PPP1CB: variants seen among roughly 807,000 people sequenced by gnomAD.
PPP1CB encodes protein phosphatase 1 catalytic subunit beta.
In PPP1CB, 2 loss-of-function variants were observed where a neutral mutation model predicts 43.7. The ratio of observed to expected loss-of-function variants is 0.05; its 90% CI spans 0.02 to 0.14. The LOEUF is 0.14. Among genes scored for constraint, PPP1CB ranks in the 10% least tolerant of loss-of-function variants. The pLI, the probability that PPP1CB is intolerant of heterozygous loss-of-function variation, is 1.00. For missense variants in PPP1CB, 84 were observed against 398.0 expected (o/e 0.21, Z 6.71); for synonymous variants, 136 against 135.6 (o/e 1.00, Z -0.02).
intron 1 of PPP1CB, among the ~76,000 whole-genome samples, chr2:28,755,259 G>A (rs757648011): frequency 1.3e-5 from 2 of 151,942 alleles, no homozygotes; most frequent in African/African-American, 2.4e-5. Flanking sequence ...GGCTGGTCTC[G>A]AACTTTCCAT....
chr2:28,785,377 G>A (rs1390394706), intron 5 of PPP1CB, among the ~76,000 whole-genome samples: 2 of 151,834 alleles, frequency 1.3e-5, no homozygotes, highest in Non-Finnish European at 2.9e-5. Flanking sequence ...CCTGGCCTGT[G>A]TTATGAGCTT....
intron 1 of PPP1CB, among the ~76,000 whole-genome samples, chr2:28,776,124 C>T (rs911822764): frequency 6.6e-6 from 1 of 151,762 alleles, no homozygotes; most frequent in African/African-American, 2.4e-5. Context: ...ATCTCCCTTT[C>T]TTCATAGCAC....
At chr2:28,759,291 G>A (rs910683565) in intron 1 of PPP1CB, among the ~76,000 whole-genome samples, 2 of 152,138 alleles carry the variant, frequency 1.3e-5, no homozygotes, top group African/African-American at 4.8e-5. Flanking sequence ...CAAGGCAGGT[G>A]GACCACTTGA....
chr2:28,768,501 G>A (rs59367465), intron 1 of PPP1CB, among the ~76,000 whole-genome samples: 312 of 152,286 alleles, frequency 2.0e-3, no homozygotes, highest in African/African-American at 7.0e-3. Context: ...AGACATTTCA[G>A]TATCTAATGC....
In PPP1CB at chr2:28,800,914, A is replaced by G. The variant is rs1245635087; in HGVS notation, c.*1611A>G. ...CACATTGTATTACTTACTGCAAGAGATATTTCATTTTCAGCACAGTGCAAA... is the reference window on the plus strand; with the variant it reads ...CACATTGTATTACTTACTGCAAGAGGTATTTCATTTTCAGCACAGTGCAAA... On this transcript the variant is annotated 3_prime_UTR_variant, in exon 8 of 8. Coordinates refer to ENST00000395366, the MANE Select transcript of PPP1CB (RefSeq NM_002709.3). 1 of 152,520 alleles carries G rather than the reference A, an allele frequency of 6.6e-6. No homozygotes were observed. The highest frequency in any genetic ancestry group is 2.4e-5 in the African/African-American group (1 of 41,438). The allele number at this position is 152,520 out of a possible 1,614,324, so 9.4% of individuals were successfully genotyped here.
intron 7 of PPP1CB, among the ~76,000 whole-genome samples, chr2:28,797,060 T>C (rs1667510220): frequency 1.3e-5 from 2 of 152,214 alleles, no homozygotes. Context: ...TTTTTAATTT[T>C]ATGAGGTGAA....
chr2:28,755,258 C>T lies in PPP1CB; in HGVS notation c.52+3082C>T, dbSNP rs376811705. 7.6e-4 allele frequency among the ~76,000 whole-genome samples: 115 copies of T among 152,158 alleles called. No individual in the cohort carries two copies. In the South Asian group the frequency reaches 0.023, roughly 30 times the overall value. On this transcript the variant is annotated intron_variant, in intron 1 of 7. Coordinates refer to ENST00000395366, the MANE Select transcript of PPP1CB (RefSeq NM_002709.3). Reference sequence around the variant, plus strand: ...TTCACCATGTTGGCCTGGCTGGTCTCGAACTTTCCATCCTCAAGTGATCCA... The same window carrying T: ...TTCACCATGTTGGCCTGGCTGGTCTTGAACTTTCCATCCTCAAGTGATCCA...
intron 6 of PPP1CB, among the ~76,000 whole-genome samples, chr2:28,792,194 G>C (rs1196557385): frequency 2.0e-5 from 3 of 152,090 alleles, no homozygotes; most frequent in Non-Finnish European, 4.4e-5. Flanking sequence ...TATAAAATTA[G>C]CTGGGCACGG....
At chr2:28,765,650 C>T (rs1345779639) in intron 1 of PPP1CB, among the ~76,000 whole-genome samples, 3 of 152,244 alleles carry the variant, frequency 2.0e-5, no homozygotes, top group African/African-American at 7.2e-5. Context: ...GGTATGGTGG[C>T]TCGCGCCTTT....
intron 1 of PPP1CB, among the ~76,000 whole-genome samples, chr2:28,762,434 G>T (rs1666677278): frequency 1.3e-5 from 2 of 152,178 alleles, no homozygotes; most frequent in South Asian, 4.1e-4. Context: ...GAAGACAGCT[G>T]AATTCACATC....
chr2:28,751,922 T>A lies in PPP1CB; in HGVS notation c.-203T>A. The A allele has an allele frequency of 4.9e-6, 3 of 617,922 alleles. No homozygotes were observed. The highest frequency in any genetic ancestry group is 8.6e-6 in the Non-Finnish European group (3 of 347,084). 38.3% of individuals were successfully genotyped at this position (617,922 alleles called of 1,614,324 possible). A position where few individuals can be genotyped will look rare whatever the true frequency, so the allele number is the denominator to read the frequency against. On this transcript the variant is annotated 5_prime_UTR_variant, in exon 1 of 8. Coordinates refer to ENST00000395366, the MANE Select transcript of PPP1CB (RefSeq NM_002709.3). ...GCCTCTCTTGTTTATTTATTTATTT[T>A]CCGTGGGTGCCTCCGAGTGTGCGCG...
intron 6 of PPP1CB, among the ~76,000 whole-genome samples, chr2:28,790,857 T>C (rs572052845): frequency 1.1e-4 from 17 of 151,982 alleles, no homozygotes; most frequent in Admixed American, 6.6e-5. Flanking sequence ...TTAATGGGAG[T>C]TAATTCAAGT....
intron 1 of PPP1CB, among the ~76,000 whole-genome samples, chr2:28,771,771 T>C (rs1666918842): frequency 6.6e-6 from 1 of 152,080 alleles, no homozygotes; most frequent in Non-Finnish European, 1.5e-5. Context: ...CAATAAAATA[T>C]CTGGAAGGAA....
rs1447215119 is a variant in PPP1CB at position 28,802,529 on chromosome 2, T to C, written c.*3226T>C. The C allele has an allele frequency of 6.6e-6, 1 of 152,220 alleles. No homozygotes were observed. The highest frequency in any genetic ancestry group is 1.5e-5 in the Non-Finnish European group (1 of 68,032). The allele number at this position is 152,220 out of a possible 1,614,324, so 9.4% of individuals were successfully genotyped here. A position where few individuals can be genotyped will look rare whatever the true frequency, so the allele number is the denominator to read the frequency against. On this transcript the variant is annotated 3_prime_UTR_variant, in exon 8 of 8. Transcript: ENST00000395366. ...CTCTTCCTAGTAGATCTCAATGTTT[T>C]ATAATTCCTTAAAACAGCTGAAAAT... is the stretch of plus-strand genomic sequence containing the variant.
intron 4 of PPP1CB, chr2:28,782,691 G>T (rs926318749): frequency 6.6e-6 from 1 of 152,218 alleles, no homozygotes; most frequent in African/African-American, 2.4e-5. Flanking sequence ...AGATTATGGA[G>T]ATTTGACTAT....
chr2:28,798,703 A>T (rs1057115606), intron 7 of PPP1CB, among the ~76,000 whole-genome samples: 1 of 152,074 alleles, frequency 6.6e-6, no homozygotes, highest in Non-Finnish European at 1.5e-5. Context: ...AGGAATGGGG[A>T]GTGACTGCTG....
intron 3 of PPP1CB, among the ~76,000 whole-genome samples, chr2:28,780,053 T>C (rs533713094): frequency 6.9e-6 from 1 of 145,892 alleles, no homozygotes; most frequent in South Asian, 2.1e-4. Flanking sequence ...GAAAATAGCC[T>C]TTCTTTTTTC....
At chr2:28,797,978 T>C (rs992323288) in intron 7 of PPP1CB, among the ~76,000 whole-genome samples, 48 of 152,166 alleles carry the variant, frequency 3.2e-4, no homozygotes, top group African/African-American at 1.1e-3. Context: ...ATATACTGTT[T>C]CCATCAATTA....
chr2:28,775,803 A>C (rs180674418), intron 1 of PPP1CB, among the ~76,000 whole-genome samples: 1 of 152,296 alleles, frequency 6.6e-6, no homozygotes, highest in East Asian at 1.9e-4. Flanking sequence ...TCAGTGGGGC[A>C]AATAAGGAAC....
Sources: allele counts gnomAD v4.1 joint callset (sites outside exome capture counted in the v4.1 genomes callset), GRCh38; gene constraint gnomAD v4.1.1; transcripts MANE v1.5; gene names NCBI Gene and HGNC (gene_info 2026-07-23, HGNC 2026-07-21).